RANBP9: variants seen among roughly 807,000 people sequenced by gnomAD.
RANBP9 encodes ran-binding protein 9.
In RANBP9, 15 loss-of-function variants were observed where a neutral mutation model predicts 84.3. The ratio of observed to expected loss-of-function variants is 0.18; its 90% CI spans 0.12 to 0.27. The LOEUF (loss-of-function observed/expected upper bound fraction) is 0.27, where lower values mean the gene tolerates loss of function less well. Among genes scored for constraint, RANBP9 ranks in the 10% least tolerant of loss-of-function variants. RANBP9 has a pLI of 1.00. For synonymous variants in RANBP9, 392 were observed against 349.6 expected (o/e 1.12, Z -1.35); for missense variants, 809 against 912.8 (o/e 0.89, Z 1.46).
chr6:13,623,995 A>G (rs1186658773), intron 13 of RANBP9, among the ~76,000 whole-genome samples: 5 of 152,192 alleles, frequency 3.3e-5, no homozygotes, highest in African/African-American at 1.2e-4. Flanking sequence ...CTACAATATA[A>G]CTTCAAAAAG....
chr6:13,635,346 T>C (rs141127812), intron 10 of RANBP9, among the ~76,000 whole-genome samples: 320 of 152,298 alleles, frequency 2.1e-3, no homozygotes, highest in African/African-American at 7.4e-3. Flanking sequence ...CGCACTCTTA[T>C]AAGCAACAAT....
intron 2 of RANBP9, among the ~76,000 whole-genome samples, chr6:13,672,870 T>C (rs1765805827): frequency 1.3e-5 from 2 of 151,118 alleles, no homozygotes; most frequent in African/African-American, 4.9e-5. Context: ...CAACAATCAG[T>C]GAGCTTGAAA....
At chr6:13,623,647 G>T (rs1465748679) in intron 13 of RANBP9, among the ~76,000 whole-genome samples, 4 of 152,154 alleles carry the variant, frequency 2.6e-5, no homozygotes, top group Non-Finnish European at 2.9e-5. Context: ...ATCTGGCGAT[G>T]CATCTTTAAC....
intron 12 of RANBP9, 96 bp from the exon 13 acceptor site, chr6:13,625,860 C>T (rs1764587523): frequency 6.0e-6 from 5 of 831,372 alleles, no homozygotes; most frequent in Non-Finnish European, 4.1e-6. Flanking sequence ...GGCTTCCAGG[C>T]ACAGACTAAT....
chr6:13,698,861 C>G (rs992746112), intron 1 of RANBP9, among the ~76,000 whole-genome samples: 1 of 152,060 alleles, frequency 6.6e-6, no homozygotes, highest in Non-Finnish European at 1.5e-5. Context: ...ATTCAAGAAA[C>G]CTGATCTAGT....
At chr6:13,641,728 TTA>T (rs1264663548) in intron 7 of RANBP9, among the ~76,000 whole-genome samples, 5 of 152,156 alleles carry the variant, frequency 3.3e-5, no homozygotes, top group Admixed American at 1.3e-4. Flanking sequence ...ACTTGATCTG[TTA>T]TATGTTAAAT....
chr6:13,654,928 C>T (rs1311795775), intron 4 of RANBP9, among the ~76,000 whole-genome samples: 1 of 152,198 alleles, frequency 6.6e-6, no homozygotes, highest in Non-Finnish European at 1.5e-5. Context: ...GAACTGTGCA[C>T]ATACTATTGC....
In RANBP9 at chr6:13,686,208, G is replaced by T. The variant is rs561396771; in HGVS notation, c.683+10577C>A. 1.4e-5 allele frequency among the ~76,000 whole-genome samples: 2 copies of T among 146,270 alleles called. 1 individual carries two copies. Among genetic ancestry groups the T allele is most frequent in the African/African-American group, 5.1e-5 (2 of 39,536 alleles). On this transcript the variant is annotated intron_variant, in intron 2 of 13. Transcript: ENST00000011619. The stretch of plus-strand genomic sequence containing the variant: ...CAGCCTTGACCTCCTGGGCTCAAGC[G>T]ATCTTCCTGGCTCAGCCTCTCATAT...
At chr6:13,689,881 T>C (rs1258495837) in intron 2 of RANBP9, among the ~76,000 whole-genome samples, 2 of 152,200 alleles carry the variant, frequency 1.3e-5, no homozygotes, top group African/African-American at 4.8e-5. Context: ...ATATTTCTGC[T>C]TCCTGCCTTG....
intron 2 of RANBP9, among the ~76,000 whole-genome samples, chr6:13,664,987 A>G (rs919385973): frequency 6.6e-6 from 1 of 152,158 alleles, no homozygotes; most frequent in Non-Finnish European, 1.5e-5. Flanking sequence ...ATATTTTACA[A>G]AAGTGCCTAG....
chr6:13,621,966 T>C lies in RANBP9; in HGVS notation c.*396A>G, dbSNP rs1764461527. 6.5e-6 allele frequency: 1 copy of C among 154,616 alleles called. No individual in the cohort carries two copies. The highest frequency in any genetic ancestry group is 2.0e-4 in the South Asian group (1 of 4,916). The allele number at this position is 154,616 out of a possible 1,614,324, so 9.6% of individuals were successfully genotyped here. On this transcript the variant is annotated 3_prime_UTR_variant, in exon 14 of 14. Transcript: ENST00000011619. ...TTATATGGGAGTGGGGGTCGGAACATCTCCCAATTTGAAGTTTACATCACC... is the reference window on the plus strand; with the variant it reads ...TTATATGGGAGTGGGGGTCGGAACACCTCCCAATTTGAAGTTTACATCACC...
chr6:13,678,688 C>A (rs1765954616), intron 2 of RANBP9, among the ~76,000 whole-genome samples: 1 of 152,180 alleles, frequency 6.6e-6, no homozygotes, highest in Non-Finnish European at 1.5e-5. Flanking sequence ...TCCCAATACT[C>A]TGGCCTGGAC....
chr6:13,642,623 T>C (rs1237185169), intron 6 of RANBP9, 32 bp from the exon 7 acceptor site: 2 of 1,421,668 alleles, frequency 1.4e-6, no homozygotes, highest in Non-Finnish European at 2.0e-6. Flanking sequence ...ATACATCTTT[T>C]AGTGAAGAGA....
At chr6:13,642,103 TA>T (rs1765079217) in intron 7 of RANBP9, among the ~76,000 whole-genome samples, 1 of 152,230 alleles carries the variant, frequency 6.6e-6, no homozygotes, top group Non-Finnish European at 1.5e-5. Flanking sequence ...ATTAGCCATT[TA>T]AATTCAAAGA....
chr6:13,644,483 G>A, intron 6 of RANBP9, 62 bp downstream of exon 6: 1 of 1,514,036 alleles, frequency 6.6e-7, no homozygotes, highest in Non-Finnish European at 9.0e-7. Flanking sequence ...GATACCAACA[G>A]AATAAATGTC....
chr6:13,661,993 G>T (rs1765546479), intron 2 of RANBP9, among the ~76,000 whole-genome samples: 1 of 151,866 alleles, frequency 6.6e-6, no homozygotes. Flanking sequence ...AAGAATGAGG[G>T]AAAAAATAAG....
At chr6:13,679,958 A>G (rs746167168) in intron 2 of RANBP9, among the ~76,000 whole-genome samples, 9 of 152,190 alleles carry the variant, frequency 5.9e-5, no homozygotes, top group Non-Finnish European at 1.2e-4. Context: ...CTTAAGAATT[A>G]CAAGGAAAAA....
chr6:13,706,461 G>A (rs548076683), intron 1 of RANBP9, among the ~76,000 whole-genome samples: 63 of 152,330 alleles, frequency 4.1e-4, no homozygotes, highest in African/African-American at 1.4e-3. Context: ...TTGGGAGGGC[G>A]AGGCGGGCAG....
intron 9 of RANBP9, among the ~76,000 whole-genome samples, chr6:13,638,870 G>T (rs1290603515): frequency 4.6e-5 from 7 of 151,980 alleles, no homozygotes; most frequent in African/African-American, 9.7e-5. Flanking sequence ...GGGGGGAGAG[G>T]AGGGAGGCAG....
Sources: gnomAD v4.1 joint callset for allele counts (sites outside exome capture counted in the v4.1 genomes callset) on GRCh38, gnomAD v4.1.1 for gene constraint, MANE v1.5 for transcripts, NCBI Gene and HGNC (gene_info 2026-07-23, HGNC 2026-07-21) for gene names.